LINGO2: variants seen among roughly 807,000 people sequenced by gnomAD.
LINGO2 encodes the protein leucine-rich repeat and immunoglobulin-like domain-containing nogo receptor-interacting protein 2.
LINGO2 carries 14 observed loss-of-function variants against 30.6 expected under a neutral mutation model. That is an observed-to-expected ratio of 0.46 (90% confidence interval 0.30 to 0.72). The LOEUF is 0.72. Among genes scored for constraint, LINGO2 ranks in the 30% least tolerant of loss-of-function variants. The pLI is 0.07. For synonymous variants in LINGO2, 317 were observed against 288.5 expected (o/e 1.10, Z -1.00); for missense variants, 729 against 751.7 (o/e 0.97, Z 0.35).
the LINGO2 span, among the ~76,000 whole-genome samples, chr9:29,171,542 T>C: frequency 6.6e-6 from 1 of 151,894 alleles, no homozygotes; most frequent in African/African-American, 2.4e-5. Context: ...ATGTACTACA[T>C]ATAATATATG....
chr9:28,179,686 T>C (rs890575889), intron 4 of LINGO2, among the ~76,000 whole-genome samples: 3 of 128,954 alleles, frequency 2.3e-5, no homozygotes, highest in African/African-American at 2.8e-5. Flanking sequence ...ATACTATATA[T>C]ACTATAGTAT....
the LINGO2 span, among the ~76,000 whole-genome samples, chr9:28,771,928 A>C: frequency 6.6e-6 from 1 of 152,088 alleles, no homozygotes; most frequent in Non-Finnish European, 1.5e-5. Context: ...TATTGACATT[A>C]TCTTTTTATT....
chr9:29,169,559 GC>G, the LINGO2 span, among the ~76,000 whole-genome samples: 1 of 152,024 alleles, frequency 6.6e-6, no homozygotes, highest in South Asian at 2.1e-4. Flanking sequence ...TCAGAGAAAT[GC>G]AAATTAAAAC....
At chr9:28,335,069 T>G (rs1358860437) in intron 3 of LINGO2, among the ~76,000 whole-genome samples, 3 of 152,140 alleles carry the variant, frequency 2.0e-5, no homozygotes, top group African/African-American at 7.2e-5. Flanking sequence ...TCATATTCAC[T>G]ACAATTATAA....
intron 4 of LINGO2, among the ~76,000 whole-genome samples, chr9:28,168,720 G>T (rs778197824): frequency 6.6e-6 from 1 of 152,220 alleles, no homozygotes; most frequent in African/African-American, 2.4e-5. Flanking sequence ...GGCTGATGCC[G>T]AGGCCTACAG....
At chr9:28,125,827 C>T (rs753039660) in intron 4 of LINGO2, among the ~76,000 whole-genome samples, 7 of 152,156 alleles carry the variant, frequency 4.6e-5, no homozygotes, top group Non-Finnish European at 1.0e-4. Context: ...AACAGAACAG[C>T]TACTTTCAAA....
chr9:28,283,055 T>C (rs1405827171), intron 4 of LINGO2, among the ~76,000 whole-genome samples: 3 of 152,268 alleles, frequency 2.0e-5, no homozygotes, highest in African/African-American at 7.2e-5. Context: ...AAGCCCTTTG[T>C]AGATGGAACA....
chr9:29,147,784 C>G, the LINGO2 span, among the ~76,000 whole-genome samples: 1 of 152,068 alleles, frequency 6.6e-6, no homozygotes, highest in Non-Finnish European at 1.5e-5. Flanking sequence ...TGGTTTATAA[C>G]TGAACAGCTC....
chr9:28,227,832 A>G (rs115214975), intron 4 of LINGO2, among the ~76,000 whole-genome samples: 2,471 of 152,180 alleles, frequency 0.016, 71 homozygotes, highest in African/African-American at 0.057. Context: ...AAGGTTCAGG[A>G]AAGATGGCAG....
At chr9:28,691,536 A>C in the LINGO2 span, among the ~76,000 whole-genome samples, 1 of 152,080 alleles carries the variant, frequency 6.6e-6, no homozygotes, top group Non-Finnish European at 1.5e-5. Context: ...CACTGGTAGA[A>C]TGTTTTGTTC....
chr9:28,725,157 G>A, the LINGO2 span, among the ~76,000 whole-genome samples: 1 of 151,738 alleles, frequency 6.6e-6, no homozygotes, highest in African/African-American at 2.4e-5. Flanking sequence ...AGGAAATAAA[G>A]GCCAATATGA....
chr9:28,200,313 T>G (rs1211481001), intron 4 of LINGO2, among the ~76,000 whole-genome samples: 1 of 152,146 alleles, frequency 6.6e-6, no homozygotes, highest in African/African-American at 2.4e-5. Context: ...TTTTCAAACT[T>G]CCTTCCAGTT....
the LINGO2 span, among the ~76,000 whole-genome samples, chr9:29,002,980 C>T: frequency 1.4e-3 from 207 of 151,982 alleles, 2 homozygotes; most frequent in African/African-American, 4.9e-3. Context: ...AAGTCCAAAT[C>T]CAAAATGACT....
intron 2 of LINGO2, among the ~76,000 whole-genome samples, chr9:28,443,589 G>A (rs949045837): frequency 6.6e-6 from 1 of 152,246 alleles, no homozygotes; most frequent in Non-Finnish European, 1.5e-5. Flanking sequence ...GTGGAGTAAA[G>A]TTGTGGCTGA....
At chr9:28,516,827 T>TA (rs1820636742) in intron 1 of LINGO2, among the ~76,000 whole-genome samples, 1 of 152,182 alleles carries the variant, frequency 6.6e-6, no homozygotes, top group East Asian at 1.9e-4. Context: ...GATTCATAGA[T>TA]ACACTCTTCC....
At chr9:28,781,394 T>C in the LINGO2 span, among the ~76,000 whole-genome samples, 1 of 152,136 alleles carries the variant, frequency 6.6e-6, no homozygotes, top group African/African-American at 2.4e-5. Context: ...GAAATTAAAT[T>C]GTGGTGAAGA....
intron 3 of LINGO2, among the ~76,000 whole-genome samples, chr9:28,365,510 C>T (rs564307235): frequency 2.6e-5 from 4 of 152,212 alleles, no homozygotes; most frequent in East Asian, 3.9e-4. Context: ...GCTCGCACCA[C>T]GTTCCTAACC....
chr9:28,849,523 A>G, the LINGO2 span, among the ~76,000 whole-genome samples: 1 of 152,036 alleles, frequency 6.6e-6, no homozygotes, highest in Admixed American at 6.6e-5. Flanking sequence ...CATTGACTTT[A>G]TATCTATATC....
At chr9:29,101,506 C>T in the LINGO2 span, among the ~76,000 whole-genome samples, 1 of 152,108 alleles carries the variant, frequency 6.6e-6, no homozygotes, top group African/African-American at 2.4e-5. Flanking sequence ...TAGCTATTAA[C>T]CATCCCCCTA....
Sources: gnomAD v4.1 joint callset for allele counts (sites outside exome capture counted in the v4.1 genomes callset) on GRCh38, gnomAD v4.1.1 for gene constraint, MANE v1.5 for transcripts, NCBI Gene and HGNC (gene_info 2026-07-23, HGNC 2026-07-21) for gene names.